The following VAV2 variants were observed in gnomAD, a reference collection of about 807,000 sequenced individuals.
VAV2 encodes vav guanine nucleotide exchange factor 2, also known as guanine nucleotide exchange factor VAV2.
In VAV2, 67 loss-of-function variants were observed where a neutral mutation model predicts 132.5. The observed-to-expected ratio is 0.51, with a 90% CI of 0.42 to 0.62. The LOEUF (loss-of-function observed/expected upper bound fraction) is 0.62. Ranked by LOEUF, VAV2 falls within the 20% of genes least tolerant of loss-of-function variation. VAV2 has a pLI of 0.00. For synonymous variants in VAV2, 492 were observed against 443.5 expected, an observed-to-expected ratio of 1.11 and a Z score of -1.37; for missense variants, 938 against 1,153.6, an observed-to-expected ratio of 0.81 and a Z score of 2.71.
chr9:133,858,614 G>A (rs1415605738), intron 3 of VAV2, among the ~76,000 whole-genome samples: 1 of 152,214 alleles, frequency 6.6e-6, no homozygotes, highest in Non-Finnish European at 1.5e-5. Context: ...GTCACTGAGT[G>A]TGTTTACTGA....
chr9:133,915,834 GCA>G lies in VAV2; in HGVS notation c.321+23267_321+23268del, dbSNP rs959851439. Among the ~76,000 whole-genome samples the G allele has an allele frequency of 1.9e-4, 24 of 124,524 alleles. 1 individual carries two copies. Among genetic ancestry groups the G allele is most frequent in the Admixed American group, 5.1e-4 (6 of 11,678 alleles). The allele number at this position is 124,524 out of a possible 152,430, so 81.7% of individuals were successfully genotyped here. The stretch of plus-strand genomic sequence containing the variant: ...CACATGCACTCACACACGCACACGT[GCA>G]CACACAACGCACACACACACGATGT... On this transcript the variant is annotated intron_variant, in intron 2 of 29. Transcript: ENST00000371850.
At chr9:133,793,303 T>C (rs7848976) in intron 12 of VAV2, among the ~76,000 whole-genome samples, 16,371 of 150,968 alleles carry the variant, frequency 0.11, 1,054 homozygotes, top group South Asian at 0.15. Context: ...TTCCCCAAAA[T>C]GCAAGTGACC....
rs144914290 is a variant in VAV2 at position 133,765,983 on chromosome 9, A to T, written c.2590-1874T>A. ...CAAACATTTTACAATGTGAATATTT[A>T]AAAAGAAAGTGAAATAAGGATGGTT... On this transcript the variant is annotated intron_variant, in intron 29 of 29. Transcript: ENST00000371850. 1.1e-4 allele frequency among the ~76,000 whole-genome samples: 16 copies of T among 152,376 alleles called. No homozygotes were observed. The East Asian group carries it at 2.9e-3, about 28-fold the overall frequency.
intron 13 of VAV2, 125 bp downstream of exon 13, chr9:133,791,658 A>G: frequency 1.2e-6 from 1 of 825,930 alleles, no homozygotes; most frequent in Non-Finnish European, 2.0e-6. Flanking sequence ...GCCGGGCACC[A>G]GCCTCTCAAC....
chr9:133,837,603 G>A (rs1298711064), intron 3 of VAV2, among the ~76,000 whole-genome samples: 2 of 151,916 alleles, frequency 1.3e-5, no homozygotes, highest in African/African-American at 4.8e-5. Context: ...GGAAGCTGAG[G>A]CAGGAGAATT....
chr9:133,798,825 G>A (rs746814743), intron 9 of VAV2, among the ~76,000 whole-genome samples: 2 of 152,224 alleles, frequency 1.3e-5, no homozygotes, highest in Non-Finnish European at 2.9e-5. Flanking sequence ...TGAGGCCTCC[G>A]TGAACTTGCT....
intron 2 of VAV2, among the ~76,000 whole-genome samples, chr9:133,881,187 G>A (rs1416455639): frequency 5.9e-5 from 9 of 152,232 alleles, no homozygotes; most frequent in Non-Finnish European, 7.3e-5. Context: ...CATACGACCC[G>A]GAGAACTTGT....
chr9:133,784,200 C>T, intron 18 of VAV2, 117 bp downstream of exon 18: 1 of 1,151,086 alleles, frequency 8.7e-7, no homozygotes, highest in Non-Finnish European at 1.3e-6. Flanking sequence ...GGGTATACTC[C>T]CTTAACCCCT....
intron 2 of VAV2, 62 bp downstream of exon 2, chr9:133,939,041 G>A (rs1439839293): frequency 9.3e-6 from 14 of 1,510,416 alleles, no homozygotes; most frequent in Middle Eastern, 1.7e-4. Flanking sequence ...CCCACCTGCC[G>A]CTGAGCCGGC....
intron 2 of VAV2, among the ~76,000 whole-genome samples, chr9:133,869,894 T>G (rs1189148571): frequency 3.3e-5 from 5 of 152,246 alleles, no homozygotes; most frequent in African/African-American, 1.2e-4. Flanking sequence ...TTGAATATGT[T>G]GCCCCGGAAA....
At chr9:133,778,670 C>T in intron 22 of VAV2, 92 bp downstream of exon 22, 14 of 1,525,740 alleles carry the variant, frequency 9.2e-6, no homozygotes, top group Non-Finnish European at 1.2e-5. Context: ...CTGCCTCTGC[C>T]TGGGGATGTG....
In VAV2 at chr9:133,939,220, C is replaced by T. The variant is rs1841041575; in HGVS notation, c.205-1G>A. ...TGCGTATGTTCTTCAAACACAGAAA[C>T]TAAAGGGAAAAAACAAAGGGAGGGC... is the stretch of plus-strand genomic sequence containing the variant. On this transcript the variant is annotated splice_acceptor_variant, in intron 1 of 29. Transcript: ENST00000371850. LOFTEE classifies it high-confidence loss of function. 2 of 1,613,678 alleles carry T rather than the reference C, an allele frequency of 1.2e-6. No individual in the cohort carries two copies. The highest frequency in any genetic ancestry group is 3.3e-5 in the Admixed American group (2 of 59,978).
chr9:133,833,594 G>T lies in VAV2; in HGVS notation c.449+678C>A, dbSNP rs766843912. Among the ~76,000 whole-genome samples, 3 of 152,104 alleles carry T rather than the reference G, an allele frequency of 2.0e-5. No individual in the cohort carries two copies. The highest frequency in any genetic ancestry group is 2.9e-5 in the Non-Finnish European group (2 of 68,006). On this transcript the variant is annotated intron_variant, in intron 4 of 29. Transcript: ENST00000371850. The surrounding 1 kb of genome is among the most constrained non-coding windows in gnomAD (Gnocchi z 5.6). ...TCTCAGCCCAGGTCCCTCACCTGCA[G>T]GTGAGGCCCCTTCCTCCTACCCTCC...
chr9:133,779,848 G>A (rs1564337688), intron 21 of VAV2, 70 bp downstream of exon 21: 1 of 1,579,848 alleles, frequency 6.3e-7, no homozygotes, highest in Non-Finnish European at 8.6e-7. Flanking sequence ...ACCACACCTA[G>A]GCCCTGGCTC....
At position 133,991,746 on chromosome 9, in the gene VAV2, G is replaced by A. The variant is rs1385780844; in HGVS notation, c.204+329C>T. On this transcript the variant is annotated intron_variant, in intron 1 of 29. Coordinates refer to ENST00000371850, the MANE Select transcript of VAV2 (RefSeq NM_001134398.2). The surrounding 1 kb of genome is among the most constrained non-coding windows in gnomAD (Gnocchi z 4.8). ...TCGGCAGGCTCCCTGGGAAATGAGGGGCCACTCGCAGGGCCCCGCAGAGCG... is the reference window on the plus strand; with the variant it reads ...TCGGCAGGCTCCCTGGGAAATGAGGAGCCACTCGCAGGGCCCCGCAGAGCG... Among the ~76,000 whole-genome samples, 1 of 151,316 alleles carries A rather than the reference G, an allele frequency of 6.6e-6. No homozygotes were observed. The highest frequency in any genetic ancestry group is 1.5e-5 in the Non-Finnish European group (1 of 67,718).
Position 133,769,355 on chromosome 9 carries a change from C to T in VAV2, c.2434+62G>A. On this transcript the variant is annotated intron_variant, in intron 28 of 29. Transcript: ENST00000371850. The surrounding 1 kb of genome is among the most constrained non-coding windows in gnomAD (Gnocchi z 8.1). ...TGTGGGGCCAGTGGGCAGCTCCGTGCTGGGTCTCCCAAGGCAGCTGCCACA... is the reference window on the plus strand; with the variant it reads ...TGTGGGGCCAGTGGGCAGCTCCGTGTTGGGTCTCCCAAGGCAGCTGCCACA... The T allele has an allele frequency of 6.6e-7, 1 of 1,524,174 alleles. No individual in the cohort carries two copies. Among genetic ancestry groups the T allele is most frequent in the Non-Finnish European group, 8.9e-7 (1 of 1,124,286 alleles). The allele number at this position is 1,524,174 out of a possible 1,614,324, so 94.4% of individuals were successfully genotyped here.
chr9:133,938,612 G>A (rs1018593961), intron 2 of VAV2, among the ~76,000 whole-genome samples: 14 of 152,062 alleles, frequency 9.2e-5, no homozygotes, highest in Non-Finnish European at 4.4e-5. Context: ...CCTTCCCAGA[G>A]TCAGAGACAG....
intron 3 of VAV2, among the ~76,000 whole-genome samples, chr9:133,849,348 G>A (rs1245093817): frequency 3.3e-5 from 5 of 152,172 alleles, no homozygotes; most frequent in African/African-American, 7.2e-5. Flanking sequence ...CTCCTGGGCC[G>A]GGAGTTCTCG....
At chr9:133,771,062 C>CTT (rs148597917) in intron 26 of VAV2, among the ~76,000 whole-genome samples, 3,183 of 117,674 alleles carry the variant, frequency 0.027, 133 homozygotes, top group East Asian at 0.041. Context: ...TATGGATTTT[C>CTT]TTTTTTTTTT....
Sources: allele counts gnomAD v4.1 joint callset (sites outside exome capture counted in the v4.1 genomes callset), GRCh38; gene constraint gnomAD v4.1.1; non-coding constraint Gnocchi (gnomAD v3.1); transcripts MANE v1.5; gene names NCBI Gene and HGNC (gene_info 2026-07-23, HGNC 2026-07-21).